FKBP5: variants seen among roughly 807,000 people sequenced by gnomAD.
FKBP5 encodes peptidyl-prolyl cis-trans isomerase FKBP5.
FKBP5 carries 23 observed loss-of-function variants against 50.5 expected under a neutral mutation model. The ratio of observed to expected loss-of-function variants is 0.46; its 90% CI spans 0.33 to 0.65. FKBP5 has a LOEUF of 0.65. Ranked by LOEUF, FKBP5 falls within the 30% of genes least tolerant of loss-of-function variation. The pLI is 0.02. For synonymous variants in FKBP5, 176 were observed against 190.6 expected (o/e 0.92, Z 0.63); for missense variants, 411 against 553.1 (o/e 0.74, Z 2.58).
intron 1 of FKBP5, among the ~76,000 whole-genome samples, chr6:35,669,282 T>C (rs1765318311): frequency 6.6e-6 from 1 of 152,228 alleles, no homozygotes; most frequent in South Asian, 2.1e-4. Flanking sequence ...ATTCAATTGA[T>C]GTGCCAGCTG....
chr6:35,603,903 G>C (rs181573952), intron 5 of FKBP5, among the ~76,000 whole-genome samples: 2 of 151,454 alleles, frequency 1.3e-5, no homozygotes, highest in African/African-American at 4.9e-5. Flanking sequence ...ATGGGGTTTC[G>C]CCATGTTGGC....
Position 35,587,210 on chromosome 6 carries a change from A to G in FKBP5, c.757-93T>C. 11 of 1,131,248 alleles carry G rather than the reference A, an allele frequency of 9.7e-6. No homozygotes were observed. In the South Asian group the frequency reaches 1.3e-4, roughly 14 times the overall value. The allele number at this position is 1,131,248 out of a possible 1,614,324, so 70.1% of individuals were successfully genotyped here. A position where few individuals can be genotyped will look rare whatever the true frequency, so the allele number is the denominator to read the frequency against. On this transcript the variant is annotated intron_variant, in intron 7 of 10. Coordinates refer to ENST00000357266, the MANE Select transcript of FKBP5 (RefSeq NM_004117.4). ...CAAAGAGCAGCTAATTCTAGAAGAT[A>G]CTCCAAACTGAAAACACTCTGGCTG... is the stretch of plus-strand genomic sequence containing the variant.
At chr6:35,646,182 T>C (rs764627877) in intron 1 of FKBP5, among the ~76,000 whole-genome samples, 1 of 152,170 alleles carries the variant, frequency 6.6e-6, no homozygotes, top group African/African-American at 2.4e-5. Flanking sequence ...TTGAAAACAA[T>C]GGCTTGTTTA....
chr6:35,620,969 T>TTATA (rs1763814419), intron 3 of FKBP5, among the ~76,000 whole-genome samples: 1 of 152,038 alleles, frequency 6.6e-6, no homozygotes, highest in South Asian at 2.1e-4. Flanking sequence ...CTAAGGAAGC[T>TTATA]TATAATTTAG....
At chr6:35,709,458 A>T (rs1766378507) in intron 2 of FKBP5, among the ~76,000 whole-genome samples, 1 of 152,244 alleles carries the variant, frequency 6.6e-6, no homozygotes. Context: ...CTATGTTCGC[A>T]TATGGGCAAC....
chr6:35,693,307 T>C (rs552921433), upstream of FKBP5, among the ~76,000 whole-genome samples: 11 of 149,756 alleles, frequency 7.3e-5, no homozygotes, highest in Middle Eastern at 3.5e-3. Flanking sequence ...AGACTACAGG[T>C]GCCCGCCACC....
At chr6:35,606,001 G>A (rs1763302997) in intron 5 of FKBP5, among the ~76,000 whole-genome samples, 1 of 152,196 alleles carries the variant, frequency 6.6e-6, no homozygotes. Flanking sequence ...TCTGGACATT[G>A]CCTAGGCAAA....
intron 5 of FKBP5, among the ~76,000 whole-genome samples, chr6:35,602,849 G>A (rs1326859784): frequency 6.6e-6 from 1 of 152,108 alleles, no homozygotes. Context: ...ATTTCTTTTG[G>A]TTGATCAAGT....
At chr6:35,651,217 T>A (rs2150994304) in intron 1 of FKBP5, among the ~76,000 whole-genome samples, 1 of 152,334 alleles carries the variant, frequency 6.6e-6, no homozygotes, top group Non-Finnish European at 1.5e-5. Context: ...GAATGAGATT[T>A]GGGAAGATAA....
At chr6:35,591,312 T>C (rs1762814114) in intron 6 of FKBP5, 92 bp from the exon 7 acceptor site, 3 of 802,970 alleles carry the variant, frequency 3.7e-6, no homozygotes, top group Non-Finnish European at 6.2e-6. Context: ...AGAGCTATCA[T>C]TTGCAAGCTA....
chr6:35,649,434 T>TTG (rs1320994543), intron 1 of FKBP5, among the ~76,000 whole-genome samples: 42 of 10,366 alleles, frequency 4.1e-3, no homozygotes, highest in African/African-American at 0.027. Flanking sequence ...GGCTAAAAGG[T>TTG]TTTTTTTTTT....
chr6:35,627,258 T>C (rs1291864800), intron 3 of FKBP5, among the ~76,000 whole-genome samples: 4 of 152,226 alleles, frequency 2.6e-5, no homozygotes, highest in Non-Finnish European at 5.9e-5. Flanking sequence ...TTCATATGCT[T>C]GTTGTCCATT....
At chr6:35,672,792 T>C (rs1167580126) in intron 1 of FKBP5, among the ~76,000 whole-genome samples, 1 of 150,140 alleles carries the variant, frequency 6.7e-6, no homozygotes, top group African/African-American at 2.4e-5. Context: ...TTAGCTGGCG[T>C]AGTGGCAGGC....
At chr6:35,664,880 CT>C (rs1765171845) in intron 1 of FKBP5, 1 of 152,668 alleles carries the variant, frequency 6.6e-6, no homozygotes, top group Non-Finnish European at 1.5e-5. Flanking sequence ...GGAAAATTAA[CT>C]TTTTCAAAAT....
intron 8 of FKBP5, chr6:35,581,231 G>A (rs1307823606): frequency 2.2e-6 from 2 of 920,316 alleles, no homozygotes; most frequent in African/African-American, 1.8e-5. Context: ...ACATCAGAAA[G>A]GTCTGTCAGT....
At chr6:35,696,029 C>T (rs1392138556) in intron 2 of FKBP5, among the ~76,000 whole-genome samples, 1 of 151,284 alleles carries the variant, frequency 6.6e-6, no homozygotes, top group Admixed American at 6.6e-5. Flanking sequence ...CCTGTAGTCC[C>T]AGCTACTAGG....
intron 2 of FKBP5, among the ~76,000 whole-genome samples, chr6:35,712,630 T>G (rs556715974): frequency 6.6e-6 from 1 of 152,152 alleles, no homozygotes; most frequent in Non-Finnish European, 1.5e-5. Context: ...TTCTCAGAGA[T>G]CCGAGGGCTG....
intron 2 of FKBP5, among the ~76,000 whole-genome samples, chr6:35,711,047 C>T (rs919018224): frequency 2.0e-5 from 3 of 152,158 alleles, no homozygotes; most frequent in Admixed American, 1.3e-4. Context: ...ACAGCCAGTG[C>T]AGTGGCTCAT....
intron 6 of FKBP5, among the ~76,000 whole-genome samples, chr6:35,596,536 G>A (rs1762987612): frequency 2.0e-5 from 3 of 152,076 alleles, no homozygotes; most frequent in African/African-American, 7.2e-5. Context: ...GCCGGAGGGA[G>A]GATACACTAG....
Sources: gnomAD v4.1 joint callset for allele counts (sites outside exome capture counted in the v4.1 genomes callset) on GRCh38, gnomAD v4.1.1 for gene constraint, MANE v1.5 for transcripts, NCBI Gene and HGNC (gene_info 2026-07-23, HGNC 2026-07-21) for gene names.